Variants in IGBP1 observed in about 807,000 individuals in gnomAD.
IGBP1 encodes immunoglobulin binding protein 1, also known as immunoglobulin-binding protein 1.
A neutral mutation model predicts 25.9 loss-of-function variants in IGBP1; 2 were observed. The observed-to-expected ratio is 0.08, with a 90% CI of 0.03 to 0.24. IGBP1 has a LOEUF of 0.24. Ranked by LOEUF, IGBP1 falls within the 10% of genes least tolerant of loss-of-function variation. IGBP1 has a pLI of 1.00. For synonymous variants in IGBP1, 96 were observed against 93.4 expected, an observed-to-expected ratio of 1.03 and a Z score of -0.16; for missense variants, 187 against 260.4, an observed-to-expected ratio of 0.72 and a Z score of 1.94.
intron 6 of IGBP1, among the ~76,000 whole-genome samples, chrX:70,157,000 T>C (rs1265155509): frequency 2.7e-5 from 3 of 111,967 alleles, no homozygotes; most frequent in African/African-American, 9.8e-5. Context: ...AAAATAACAA[T>C]GTGTAAGGTA....
chrX:70,148,945 T>G, intron 5 of IGBP1, 105 bp downstream of exon 5: 1 of 631,701 alleles, frequency 1.6e-6, no homozygotes, highest in East Asian at 3.6e-5. Flanking sequence ...AGTCATGATC[T>G]TGGGTGGGCG....
intron 4 of IGBP1, among the ~76,000 whole-genome samples, chrX:70,147,738 G>A (rs138661541): frequency 8.9e-6 from 1 of 111,985 alleles, no homozygotes; most frequent in African/African-American, 3.2e-5. Flanking sequence ...TGGAGCTGCT[G>A]CTTCAAAAGA....
At chrX:70,143,636 C>T (rs1159416192) in intron 3 of IGBP1, among the ~76,000 whole-genome samples, 1 of 106,933 alleles carries the variant, frequency 9.4e-6, no homozygotes, top group East Asian at 3.0e-4. Flanking sequence ...TGTAATGGCC[C>T]ACCATGGAGA....
intron 6 of IGBP1, 136 bp from the exon 7 acceptor site, chrX:70,165,697 G>C (rs180720877): frequency 1.3e-5 from 7 of 551,620 alleles, no homozygotes; most frequent in Non-Finnish European, 1.9e-5. Context: ...CGCTTCCGCC[G>C]GGCTCAGGGT....
rs778081425 is a variant in IGBP1 at position 70,150,088 on chromosome X, G to C, written c.759-122G>C. The C allele has an allele frequency of 2.3e-5, 12 of 524,795 alleles. No individual in the cohort carries two copies. In the South Asian group the frequency reaches 3.0e-4, roughly 13 times the overall value. The allele number at this position is 524,795 out of a possible 1,213,427, so 43.2% of individuals were successfully genotyped here. ...CAACTCCTCAGAAGTTGACTGGGTAGGGAACAAGGCTGAAACGGACACAGA... is the reference window on the plus strand; with the variant it reads ...CAACTCCTCAGAAGTTGACTGGGTACGGAACAAGGCTGAAACGGACACAGA... On this transcript the variant is annotated intron_variant, in intron 5 of 6. Coordinates refer to ENST00000356413, the MANE Select transcript of IGBP1 (RefSeq NM_001551.3).
At chrX:70,155,396 G>A (rs1306068650) in intron 6 of IGBP1, among the ~76,000 whole-genome samples, 2 of 107,283 alleles carry the variant, frequency 1.9e-5, no homozygotes, top group East Asian at 5.8e-4. Context: ...TCAGGAGGCT[G>A]AGGCAGGAGA....
chrX:70,165,897 A>G lies in IGBP1; in HGVS notation c.936A>G (p.Glu312=). 1 of 1,209,294 alleles carries G rather than the reference A, an allele frequency of 8.3e-7. No individual in the cohort carries two copies. The highest frequency in any genetic ancestry group is 1.1e-6 in the Non-Finnish European group (1 of 893,411). The change falls in exon 7 of 7, where the codon GAA becomes GAG. Residue 312 remains glutamate, a synonymous_variant. Transcript: ENST00000356413. ...EQEEKEEEDD[E]QTLHRAREWD... Reference sequence around the variant, plus strand: ...AAGAAAAGGAGGAAGAGGATGATGAACAAACACTCCACAGAGCCCGGGAGT... The same window carrying G: ...AAGAAAAGGAGGAAGAGGATGATGAGCAAACACTCCACAGAGCCCGGGAGT...
In IGBP1 at chrX:70,133,942, C is replaced by G. The variant is rs779361103; in HGVS notation, c.-6C>G. On this transcript the variant is annotated 5_prime_UTR_variant, in exon 2 of 7. Transcript: ENST00000356413. Reference sequence around the variant, plus strand: ...AAGAGATCTTCCGGGTTCCTCTCTCCCCAAGATGGCTGCTGAGGACGAGTT... The same window carrying G: ...AAGAGATCTTCCGGGTTCCTCTCTCGCCAAGATGGCTGCTGAGGACGAGTT... 6.6e-6 allele frequency: 8 copies of G among 1,208,199 alleles called. No individual in the cohort carries two copies. In the African/African-American group the frequency reaches 1.4e-4, roughly 21 times the overall value.
intron 4 of IGBP1, among the ~76,000 whole-genome samples, chrX:70,148,039 CCTTT>C (rs2085178423): frequency 1.8e-5 from 2 of 111,693 alleles, no homozygotes; most frequent in South Asian, 7.5e-4. Flanking sequence ...CTGCCCTGTC[CCTTT>C]CTTTGTGTGT....
chrX:70,141,481 A>C (rs2085129770), intron 3 of IGBP1, among the ~76,000 whole-genome samples: 1 of 111,952 alleles, frequency 8.9e-6, no homozygotes. Context: ...AGTTCATGTT[A>C]CTTATCACAG....
intron 6 of IGBP1, among the ~76,000 whole-genome samples, chrX:70,156,611 G>T (rs1039371922): frequency 1.8e-5 from 2 of 112,132 alleles, no homozygotes; most frequent in African/African-American, 6.5e-5. Flanking sequence ...TTCTAACTGG[G>T]AATAAGTTCA....
At chrX:70,133,653 C>A (rs1602657394) in intron 1 of IGBP1, 70 bp from the exon 2 acceptor site, 1 of 428,341 alleles carries the variant, frequency 2.3e-6, no homozygotes, top group Non-Finnish European at 4.0e-6. Flanking sequence ...CTTCTCAGCC[C>A]CGTGTCGGCG....
intron 3 of IGBP1, among the ~76,000 whole-genome samples, chrX:70,141,918 A>G (rs764692118): frequency 3.3e-4 from 36 of 108,395 alleles, no homozygotes; most frequent in African/African-American, 8.4e-4. Flanking sequence ...ATTAAAAAAA[A>G]GGGGGGGGGC....
chrX:70,134,157 A>G (rs769970384), intron 2 of IGBP1, 22 bp downstream of exon 2: 1 of 1,183,139 alleles, frequency 8.5e-7, no homozygotes, highest in East Asian at 3.0e-5. Context: ...GATAGTAATA[A>G]TGGCTGAGAA....
chrX:70,138,500 A>AAAG (rs2085110763), intron 3 of IGBP1, among the ~76,000 whole-genome samples: 1 of 108,344 alleles, frequency 9.2e-6, no homozygotes, highest in Non-Finnish European at 1.9e-5. Flanking sequence ...AAAAAAAAAA[A>AAAG]GATTTTTCTG....
rs762954223 is a variant in IGBP1, at chrX:70,154,714, C to CAAAAAAAAAAAAAAAAAAAAAAAAA, written c.871+4414_871+4415insAAAAAAAAAAAAAAAAAAAAAAAAA. 1.3e-3 allele frequency among the ~76,000 whole-genome samples: 35 copies of CAAAAAAAAAAAAAAAAAAAAAAAAA among 27,104 alleles called. 6 individuals are homozygous for CAAAAAAAAAAAAAAAAAAAAAAAAA. The highest frequency in any genetic ancestry group is 5.6e-3 in the African/African-American group (30 of 5,383). 23.5% of individuals were successfully genotyped at this position (27,104 alleles called of 115,157 possible). On this transcript the variant is annotated intron_variant, in intron 6 of 6. Transcript: ENST00000356413. The stretch of plus-strand genomic sequence containing the variant: ...AGCAACATGGTAAGACCCCTCTCCA[C>CAAAAAAAAAAAAAAAAAAAAAAAAA]AAAAAAAAAAAAAAAAAAAAAAGTT...
In IGBP1 at chrX:70,133,532, A is replaced by C; in HGVS notation, c.-234A>C. 1.9e-4 allele frequency: 60 copies of C among 309,562 alleles called. No individual in the cohort carries two copies. Among genetic ancestry groups the C allele is most frequent in the Non-Finnish European group, 1.9e-4 (34 of 178,779 alleles). 25.5% of individuals were successfully genotyped at this position (309,562 alleles called of 1,213,427 possible). A position where few individuals can be genotyped will look rare whatever the true frequency, so the allele number is the denominator to read the frequency against. The stretch of plus-strand genomic sequence containing the variant: ...CCTGGACTCCTCAACCTAGGGAGCT[A>C]CTCGCGAGGTAAGGGGCGCGCCAGA... On this transcript the variant is annotated 5_prime_UTR_variant, in exon 1 of 7. Transcript: ENST00000356413.
intron 6 of IGBP1, among the ~76,000 whole-genome samples, chrX:70,150,895 T>A (rs777830699): frequency 9.1e-6 from 1 of 109,705 alleles, no homozygotes; most frequent in East Asian, 2.9e-4. Flanking sequence ...ACCAAAAAGG[T>A]GGAAGCAATA....
At chrX:70,140,958 T>A (rs1486581528) in intron 3 of IGBP1, among the ~76,000 whole-genome samples, 5 of 111,108 alleles carry the variant, frequency 4.5e-5, no homozygotes, top group African/African-American at 6.6e-5. Flanking sequence ...TAGATGAGTT[T>A]GCCAAGGAAA....
Sources: allele counts gnomAD v4.1 joint callset (sites outside exome capture counted in the v4.1 genomes callset), GRCh38; gene constraint gnomAD v4.1.1; transcripts MANE v1.5; gene names NCBI Gene and HGNC (gene_info 2026-07-23, HGNC 2026-07-21).